The following TRAPPC9 variants were observed in gnomAD, a reference collection of about 807,000 sequenced individuals.
TRAPPC9 encodes the protein IKK2 binding protein.
In TRAPPC9, 83 loss-of-function variants were observed where a neutral mutation model predicts 124.0. The observed-to-expected ratio is 0.67, with a 90% CI of 0.56 to 0.80. TRAPPC9 has a LOEUF of 0.80. Among genes scored for constraint, TRAPPC9 ranks in the 30% least tolerant of loss-of-function variants. The pLI is 0.00. For missense variants in TRAPPC9, 1,302 were observed against 1,508.3 expected, an observed-to-expected ratio of 0.86 and a Z score of 2.27; for synonymous variants, 638 against 617.5, an observed-to-expected ratio of 1.03 and a Z score of -0.49.
chr8:140,268,119 T>C (rs1020414943), intron 15 of TRAPPC9, among the ~76,000 whole-genome samples: 1 of 152,146 alleles, frequency 6.6e-6, no homozygotes, highest in South Asian at 2.1e-4. Context: ...CTAAGCTCAA[T>C]GGGCTCAGAA....
chr8:140,197,931 T>C (rs2062706760), intron 17 of TRAPPC9, among the ~76,000 whole-genome samples: 1 of 152,168 alleles, frequency 6.6e-6, no homozygotes, highest in Non-Finnish European at 1.5e-5. Context: ...GAAGGCTAGT[T>C]TTCCCCAGCA....
At chr8:140,143,055 G>A (rs530885517) in intron 17 of TRAPPC9, among the ~76,000 whole-genome samples, 265 of 152,360 alleles carry the variant, frequency 1.7e-3, no homozygotes, top group Non-Finnish European at 3.4e-3. Flanking sequence ...GTGAGTGAAT[G>A]AGTGGCTGGA....
intron 7 of TRAPPC9, among the ~76,000 whole-genome samples, chr8:140,379,275 G>A (rs1181571511): frequency 6.6e-6 from 1 of 152,140 alleles, no homozygotes; most frequent in Non-Finnish European, 1.5e-5. Flanking sequence ...CTCCCTCCAT[G>A]CTGTGCTGCC....
chr8:139,865,512 G>C (rs1030501709), intron 21 of TRAPPC9, among the ~76,000 whole-genome samples: 4 of 152,188 alleles, frequency 2.6e-5, no homozygotes, highest in Non-Finnish European at 5.9e-5. Flanking sequence ...TGGGAGCAGA[G>C]AGAGGAGAAA....
chr8:140,295,394 C>G (rs1347139133), intron 11 of TRAPPC9, among the ~76,000 whole-genome samples: 2 of 152,218 alleles, frequency 1.3e-5, no homozygotes, highest in Admixed American at 6.5e-5. Flanking sequence ...CACGGTCACA[C>G]AGTGGGGAGC....
chr8:139,785,537 AACACACACACACACACACAC>A (rs57202244), intron 21 of TRAPPC9, among the ~76,000 whole-genome samples: 1 of 138,202 alleles, frequency 7.2e-6, no homozygotes, highest in African/African-American at 2.6e-5. Flanking sequence ...ATCTCTACTA[AACACACACACACACACACAC>A]ACACACACAC....
rs955825731 is a variant in TRAPPC9, at chr8:139,763,629, CGTGCACACAT to C, written c.3056-31437_3056-31428del. On this transcript the variant is annotated intron_variant, in intron 21 of 22. Transcript: ENST00000438773. ...ACATAAACACACACACACACACACA[CGTGCACACAT>C]GTGCACACAGGCACATGCACACACA... Among the ~76,000 whole-genome samples the C allele has an allele frequency of 3.4e-4, 51 of 151,720 alleles. 1 individual carries two copies. Among genetic ancestry groups the C allele is most frequent in the South Asian group, 2.1e-3 (10 of 4,816 alleles).
intron 1 of TRAPPC9, among the ~76,000 whole-genome samples, chr8:140,456,218 G>A (rs961935141): frequency 1.3e-5 from 2 of 152,060 alleles, no homozygotes; most frequent in Non-Finnish European, 2.9e-5. Context: ...GAGCAGCCTG[G>A]CCAACAGAGT....
intron 19 of TRAPPC9, among the ~76,000 whole-genome samples, chr8:139,941,209 C>G (rs569726887): frequency 1.3e-5 from 2 of 152,236 alleles, no homozygotes; most frequent in Non-Finnish European, 2.9e-5. Flanking sequence ...TCAGCCTTCA[C>G]AGGAGGCTGC....
chr8:140,144,463 TTTTCATTCATTC>T (rs2061426826), intron 17 of TRAPPC9, among the ~76,000 whole-genome samples: 1 of 112,486 alleles, frequency 8.9e-6, no homozygotes, highest in Non-Finnish European at 1.8e-5. Context: ...ACTATTTTTC[TTTTCATTCATTC>T]ATTCATTCAT....
intron 4 of TRAPPC9, among the ~76,000 whole-genome samples, chr8:140,430,787 C>T (rs534496729): frequency 5.3e-5 from 8 of 152,140 alleles, no homozygotes; most frequent in African/African-American, 9.6e-5. Context: ...TACAGGCACG[C>T]GCCAACATCC....
intron 19 of TRAPPC9, among the ~76,000 whole-genome samples, chr8:139,938,307 C>T (rs976098384): frequency 1.3e-5 from 2 of 151,966 alleles, no homozygotes; most frequent in Non-Finnish European, 2.9e-5. Flanking sequence ...TTTTTTGAGA[C>T]GGAGTCTCAC....
At chr8:140,282,117 G>T (rs142037601) in intron 14 of TRAPPC9, among the ~76,000 whole-genome samples, 1 of 152,290 alleles carries the variant, frequency 6.6e-6, no homozygotes, top group Admixed American at 6.5e-5. Flanking sequence ...TTGAACACAT[G>T]AATGGGCTTT....
chr8:140,045,239 T>C (rs1198934959), intron 17 of TRAPPC9, among the ~76,000 whole-genome samples: 1 of 152,194 alleles, frequency 6.6e-6, no homozygotes, highest in Non-Finnish European at 1.5e-5. Context: ...CCTCTGCGCT[T>C]CAGCTTCCTT....
Position 140,436,279 on chromosome 8 carries a change from G to A in TRAPPC9, c.731-1039C>T, listed in dbSNP as rs559316942. The stretch of plus-strand genomic sequence containing the variant: ...GAGAATCGCTTGAACCTGGGAAATG[G>A]AAGTTTCAGTGAGCTGAAATCACGC... On this transcript the variant is annotated intron_variant, in intron 3 of 22. Coordinates refer to ENST00000438773, the MANE Select transcript of TRAPPC9 (RefSeq NM_001160372.4). Among the ~76,000 whole-genome samples the A allele has an allele frequency of 2.3e-3, 350 of 152,304 alleles. 3 individuals are homozygous for A. The highest frequency in any genetic ancestry group is 2.2e-3 in the Non-Finnish European group (149 of 68,018).
chr8:139,800,801 T>G (rs1367783556), intron 21 of TRAPPC9, among the ~76,000 whole-genome samples: 1 of 135,590 alleles, frequency 7.4e-6, no homozygotes, highest in Admixed American at 7.2e-5. Flanking sequence ...CCGTCCGGTA[T>G]CTTTACCTTC....
intron 7 of TRAPPC9, among the ~76,000 whole-genome samples, chr8:140,390,650 C>G (rs1044001639): frequency 1.1e-4 from 17 of 152,206 alleles, no homozygotes; most frequent in Admixed American, 9.8e-4. Flanking sequence ...AGAGGCCCAC[C>G]TGGCTTGCTC....
At chr8:140,102,380 T>C (rs772040631) in intron 17 of TRAPPC9, among the ~76,000 whole-genome samples, 2 of 152,146 alleles carry the variant, frequency 1.3e-5, no homozygotes, top group Non-Finnish European at 2.9e-5. Flanking sequence ...CTCAGAGAAA[T>C]TGAAATTCTT....
chr8:140,000,412 C>T (rs988325026), intron 18 of TRAPPC9, among the ~76,000 whole-genome samples: 1 of 152,186 alleles, frequency 6.6e-6, no homozygotes, highest in Non-Finnish European at 1.5e-5. Context: ...AGCTTCTGCA[C>T]AGCAAAAGAA....
Sources: allele counts gnomAD v4.1 joint callset (sites outside exome capture counted in the v4.1 genomes callset), GRCh38; gene constraint gnomAD v4.1.1; transcripts MANE v1.5; gene names NCBI Gene and HGNC (gene_info 2026-07-23, HGNC 2026-07-21).